The following NTN4 variants were observed in gnomAD, a reference collection of about 807,000 sequenced individuals.
NTN4 encodes netrin-4.
In NTN4, 32 loss-of-function variants were observed where a neutral mutation model predicts 73.6. That is an observed-to-expected ratio of 0.44 (90% CI 0.33 to 0.58). The LOEUF is 0.58. Ranked by LOEUF, NTN4 falls within the 20% of genes least tolerant of loss-of-function variation. NTN4 has a pLI of 0.04. For missense variants in NTN4, 654 were observed against 798.3 expected (o/e 0.82, Z 2.18); for synonymous variants, 258 against 287.5 (o/e 0.90, Z 1.04).
At chr12:95,707,548 C>T (rs891964219) in intron 5 of NTN4, among the ~76,000 whole-genome samples, 2 of 152,090 alleles carry the variant, frequency 1.3e-5, no homozygotes, top group Admixed American at 6.6e-5. Flanking sequence ...CCCTGGATCC[C>T]TTCCCTCTTG....
intron 2 of NTN4, among the ~76,000 whole-genome samples, chr12:95,750,633 T>C (rs1044075921): frequency 2.5e-4 from 38 of 152,330 alleles, no homozygotes; most frequent in Admixed American, 2.4e-3. Context: ...CTAGCCTCTG[T>C]GCCCAGTGCA....
chr12:95,697,005 A>C (rs551433521), intron 5 of NTN4, among the ~76,000 whole-genome samples: 22 of 151,924 alleles, frequency 1.4e-4, no homozygotes, highest in African/African-American at 4.1e-4. Context: ...GCCCCTCTCT[A>C]CAAAAAATAA....
chr12:95,671,861 C>G (rs1383726194), intron 7 of NTN4, among the ~76,000 whole-genome samples: 1 of 152,160 alleles, frequency 6.6e-6, no homozygotes, highest in Non-Finnish European at 1.5e-5. Context: ...CCCTTTCCTG[C>G]CCCCTCCTGC....
At chr12:95,687,520 C>A (rs1020931803) in intron 5 of NTN4, among the ~76,000 whole-genome samples, 7 of 152,030 alleles carry the variant, frequency 4.6e-5, no homozygotes, top group African/African-American at 1.4e-4. Flanking sequence ...CCTGCCTCAG[C>A]CTCCCAAGTA....
intron 5 of NTN4, among the ~76,000 whole-genome samples, chr12:95,709,744 G>A (rs925062345): frequency 6.6e-6 from 1 of 152,034 alleles, no homozygotes; most frequent in Non-Finnish European, 1.5e-5. Context: ...TGTTGCCCAG[G>A]CTGGTCTCGA....
chr12:95,738,772 T>C (rs1269435939), intron 2 of NTN4, among the ~76,000 whole-genome samples: 1 of 152,220 alleles, frequency 6.6e-6, no homozygotes, highest in African/African-American at 2.4e-5. Flanking sequence ...CTGTGTCACA[T>C]GTCCAAGGTC....
chr12:95,689,639 G>A (rs928172232), intron 5 of NTN4, among the ~76,000 whole-genome samples: 4 of 152,118 alleles, frequency 2.6e-5, no homozygotes, highest in Non-Finnish European at 5.9e-5. Flanking sequence ...ATGATATTCA[G>A]AAAAGAAAAG....
At chr12:95,785,103 A>G (rs918733636) in intron 2 of NTN4, among the ~76,000 whole-genome samples, 7 of 152,144 alleles carry the variant, frequency 4.6e-5, no homozygotes, top group Non-Finnish European at 8.8e-5. Flanking sequence ...AACAAGGCCC[A>G]GTAGAGATTA....
chr12:95,666,876 CCTGGGCCACA>C (rs2078184613), intron 8 of NTN4, among the ~76,000 whole-genome samples: 1 of 152,192 alleles, frequency 6.6e-6, no homozygotes, highest in African/African-American at 2.4e-5. Context: ...TCTTGACTTC[CCTGGGCCACA>C]CTGGACCACA....
intron 2 of NTN4, among the ~76,000 whole-genome samples, chr12:95,742,196 T>G (rs2078831481): frequency 1.3e-5 from 2 of 151,950 alleles, no homozygotes; most frequent in Non-Finnish European, 2.9e-5. Flanking sequence ...AAATTCTCAA[T>G]AAGAAGATGG....
At chr12:95,758,487 G>A (rs564520133) in intron 2 of NTN4, among the ~76,000 whole-genome samples, 54 of 152,254 alleles carry the variant, frequency 3.5e-4, no homozygotes, top group South Asian at 3.3e-3. Flanking sequence ...AGTTTGTAAT[G>A]ATTTGCAAAT....
intron 2 of NTN4, among the ~76,000 whole-genome samples, chr12:95,784,763 T>G (rs1161288270): frequency 1.3e-5 from 2 of 148,882 alleles, no homozygotes; most frequent in Non-Finnish European, 3.0e-5. Flanking sequence ...CGGGACTCAG[T>G]CTCAAAAAAA....
At chr12:95,776,453 G>A (rs2079093237) in intron 2 of NTN4, among the ~76,000 whole-genome samples, 1 of 152,202 alleles carries the variant, frequency 6.6e-6, no homozygotes. Context: ...AACCAATGTA[G>A]AGAAGTCCTT....
At chr12:95,712,009 T>C (rs1194494401) in intron 4 of NTN4, among the ~76,000 whole-genome samples, 1 of 152,232 alleles carries the variant, frequency 6.6e-6, no homozygotes, top group East Asian at 1.9e-4. Context: ...CAGGAAATCC[T>C]TTACATTTCC....
intron 5 of NTN4, 113 bp from the exon 6 acceptor site, chr12:95,683,824 A>C (rs1180117585): frequency 4.2e-6 from 3 of 706,332 alleles, no homozygotes; most frequent in Non-Finnish European, 7.3e-6. Context: ...TATTTCTGAG[A>C]CTCCTTCTTT....
intron 3 of NTN4, among the ~76,000 whole-genome samples, chr12:95,719,737 G>A (rs1209170726): frequency 6.6e-5 from 10 of 152,126 alleles, no homozygotes; most frequent in Admixed American, 6.6e-4. Flanking sequence ...AGGTTTGCAT[G>A]TTTTAATTTA....
At chr12:95,667,150 A>T (rs571045277) in intron 8 of NTN4, among the ~76,000 whole-genome samples, 1 of 151,716 alleles carries the variant, frequency 6.6e-6, no homozygotes, top group Non-Finnish European at 1.5e-5. Context: ...AAAGCTAAGG[A>T]TCACTGAGCT....
In NTN4 at chr12:95,670,112, A is replaced by G. The variant is rs763852906; in HGVS notation, c.1545T>C (p.Asn515=). The change falls in exon 8 of 10, where the codon AAT becomes AAC. Residue 515 remains asparagine (N), a synonymous_variant. Coordinates refer to ENST00000343702, the MANE Select transcript of NTN4 (RefSeq NM_021229.4). ...KCECKEQTLG[N]AKAFCGMKYS... Reference sequence around the variant, plus strand: ...ATTTCATTCCACAGAATGCCTTGGCATTTCCTAATGTCTGTTCCTTACATT... The same window carrying G: ...ATTTCATTCCACAGAATGCCTTGGCGTTTCCTAATGTCTGTTCCTTACATT... 13 of 1,597,808 alleles carry G rather than the reference A, an allele frequency of 8.1e-6. No individual in the cohort carries two copies. The highest frequency in any genetic ancestry group is 1.3e-5 in the African/African-American group (1 of 74,742).
rs111391442 is a variant in NTN4 at position 95,762,339 on chromosome 12, G to A, written c.586-24195C>T. Reference sequence around the variant, plus strand: ...TGCCCTAAGCCACAGACAAATATTTGCTGTTACTCTAGTACTAGGCAGCAT... The same window carrying A: ...TGCCCTAAGCCACAGACAAATATTTACTGTTACTCTAGTACTAGGCAGCAT... On this transcript the variant is annotated intron_variant, in intron 2 of 9. Coordinates refer to ENST00000343702, the MANE Select transcript of NTN4 (RefSeq NM_021229.4). Among the ~76,000 whole-genome samples, 1,304 of 152,278 alleles carry A rather than the reference G, an allele frequency of 8.6e-3. 23 individuals are homozygous for A. The highest frequency in any genetic ancestry group is 0.03 in the African/African-American group (1,234 of 41,546).
Sources: allele counts gnomAD v4.1 joint callset (sites outside exome capture counted in the v4.1 genomes callset), GRCh38; gene constraint gnomAD v4.1.1; transcripts MANE v1.5; gene names NCBI Gene and HGNC (gene_info 2026-07-23, HGNC 2026-07-21).